The following PAH variants were observed in gnomAD, a reference collection of about 807,000 sequenced individuals.
PAH encodes the protein phenylalanine-4-hydroxylase.
PAH carries 64 observed loss-of-function variants against 62.0 expected under a neutral mutation model. The observed-to-expected ratio is 1.03, with a 90% CI of 0.84 to 1.27. PAH has a LOEUF of 1.27. Ranked by LOEUF, PAH falls within the 50% of genes most tolerant of loss-of-function variation. The probability of loss-of-function intolerance (pLI) is 0.00; values close to 1 mark genes in which losing one functional copy is unlikely to be tolerated. For synonymous variants in PAH, 195 were observed against 196.2 expected, an observed-to-expected ratio of 0.99 and a Z score of 0.05; for missense variants, 579 against 542.8, an observed-to-expected ratio of 1.07 and a Z score of -0.66.
At chr12:102,843,394 G>A (rs1376963043) in intron 11 of PAH, among the ~76,000 whole-genome samples, 1 of 152,190 alleles carries the variant, frequency 6.6e-6, no homozygotes, top group Non-Finnish European at 1.5e-5. Flanking sequence ...GTATGCAGGA[G>A]GGTTCAGTGT....
chr12:102,881,723 T>C (rs1876820260), intron 3 of PAH, among the ~76,000 whole-genome samples: 1 of 152,252 alleles, frequency 6.6e-6, no homozygotes, highest in Non-Finnish European at 1.5e-5. Context: ...TGTCTTTCTG[T>C]GTCTGGCTTA....
intron 4 of PAH, among the ~76,000 whole-genome samples, chr12:102,874,119 C>T (rs968254000): frequency 6.6e-6 from 1 of 152,106 alleles, no homozygotes; most frequent in African/African-American, 2.4e-5. Flanking sequence ...TTGGAAGAGA[C>T]AGGAGGAAGG....
intron 1 of PAH, among the ~76,000 whole-genome samples, chr12:102,949,539 T>C (rs556886666): frequency 6.6e-6 from 1 of 152,112 alleles, no homozygotes. Flanking sequence ...AGGTAGAAAG[T>C]TTCAGGATTT....
chr12:102,921,465 C>T (rs1438485878), upstream of PAH, among the ~76,000 whole-genome samples: 1 of 152,166 alleles, frequency 6.6e-6, no homozygotes, highest in Non-Finnish European at 1.5e-5. Flanking sequence ...CCCAATGTGT[C>T]ACTGTCAGTT....
chr12:102,852,700 G>C, intron 7 of PAH, 115 bp downstream of exon 7: 1 of 1,300,926 alleles, frequency 7.7e-7, no homozygotes, highest in Non-Finnish European at 1.1e-6. Context: ...CCAGCAAACA[G>C]TCTAGACAAC....
chr12:102,851,974 G>C, intron 7 of PAH: 1 of 547,316 alleles, frequency 1.8e-6, no homozygotes, highest in East Asian at 3.2e-5. Flanking sequence ...GACAGGTGCA[G>C]GGTAGGGCAC....
intron 3 of PAH, among the ~76,000 whole-genome samples, chr12:102,881,439 G>A (rs1310065550): frequency 6.6e-6 from 1 of 152,218 alleles, no homozygotes; most frequent in East Asian, 1.9e-4. Context: ...ATCATCTCAT[G>A]TAGTCATTTT....
At chr12:102,868,850 T>G (rs889083017) in intron 4 of PAH, among the ~76,000 whole-genome samples, 11 of 152,244 alleles carry the variant, frequency 7.2e-5, no homozygotes, top group African/African-American at 2.4e-4. Context: ...CATTCTCACT[T>G]GCCATTCTTA....
chr12:102,908,124 G>A (rs951627415), intron 2 of PAH, among the ~76,000 whole-genome samples: 1 of 151,706 alleles, frequency 6.6e-6, no homozygotes, highest in Admixed American at 6.6e-5. Context: ...ATCACTTACT[G>A]ACCTGTGCAG....
chr12:102,848,863 G>A (rs1199251147), intron 8 of PAH, among the ~76,000 whole-genome samples: 1 of 151,470 alleles, frequency 6.6e-6, no homozygotes, highest in East Asian at 1.9e-4. Context: ...GGGTTAAAGG[G>A]ACACCAGGAG....
chr12:102,887,404 C>T (rs1877086780), intron 3 of PAH, among the ~76,000 whole-genome samples: 1 of 152,004 alleles, frequency 6.6e-6, no homozygotes, highest in African/African-American at 2.4e-5. Context: ...CATACAATCC[C>T]ACACATGAAG....
At chr12:102,839,799 C>T (rs1368029125) in intron 12 of PAH, among the ~76,000 whole-genome samples, 1 of 152,200 alleles carries the variant, frequency 6.6e-6, no homozygotes, top group Non-Finnish European at 1.5e-5. Context: ...TATGTCTTCA[C>T]ATACCAGGTA....
At chr12:102,938,217 A>C (rs1879170537) in intron 1 of PAH, among the ~76,000 whole-genome samples, 1 of 152,180 alleles carries the variant, frequency 6.6e-6, no homozygotes, top group Non-Finnish European at 1.5e-5. Context: ...CCATGGGGAA[A>C]GGGTGCGTGA....
At chr12:102,904,859 T>A (rs1199972813) in intron 2 of PAH, 2 of 314,680 alleles carry the variant, frequency 6.4e-6, no homozygotes, top group East Asian at 1.4e-4. Context: ...CTACTTTTCT[T>A]CTGGCGAATG....
At chr12:102,909,750 G>C (rs1337279514) in intron 2 of PAH, among the ~76,000 whole-genome samples, 1 of 152,220 alleles carries the variant, frequency 6.6e-6, no homozygotes, top group Non-Finnish European at 1.5e-5. Context: ...CTTGAGTCCA[G>C]GAGTTCCAGA....
Position 102,912,644 on chromosome 12 carries a change from G to C in PAH, c.168+147C>G, listed in dbSNP as rs1452934091. 4.4e-6 allele frequency: 3 copies of C among 684,250 alleles called. No homozygotes were observed. In the African/African-American group the frequency reaches 5.3e-5, roughly 12 times the overall value. 42.4% of individuals were successfully genotyped at this position (684,250 alleles called of 1,614,324 possible). A position where few individuals can be genotyped will look rare whatever the true frequency, so the allele number is the denominator to read the frequency against. Reference sequence around the variant, plus strand: ...AGAGAGATTGAATGACTTAACTAAGGTCACACAGTTGGTTAATGTAAAAAC... The same window carrying C: ...AGAGAGATTGAATGACTTAACTAAGCTCACACAGTTGGTTAATGTAAAAAC... On this transcript the variant is annotated intron_variant, in intron 2 of 12. Transcript: ENST00000553106.
chr12:102,909,414 G>A (rs953553858), intron 2 of PAH, among the ~76,000 whole-genome samples: 6 of 151,992 alleles, frequency 3.9e-5, no homozygotes, highest in African/African-American at 1.4e-4. Flanking sequence ...TTACTATTAA[G>A]GAAAGGTTTG....
Position 102,838,832 on chromosome 12 carries a change from A to C in PAH, c.*343T>G. 3.1e-6 allele frequency: 1 copy of C among 319,308 alleles called. No homozygotes were observed. The highest frequency in any genetic ancestry group is 6.8e-5 in the East Asian group (1 of 14,742). 19.8% of individuals were successfully genotyped at this position (319,308 alleles called of 1,614,324 possible). A position where few individuals can be genotyped will look rare whatever the true frequency, so the allele number is the denominator to read the frequency against. On this transcript the variant is annotated 3_prime_UTR_variant, in exon 13 of 13. Transcript: ENST00000553106. ...ATTTAGCCTTATATGCTCCTTTATG[A>C]GTTCTCTGCAAAGCATATATGAAGC...
At chr12:102,956,879 C>G (rs1203031876) in intron 1 of PAH, among the ~76,000 whole-genome samples, 2 of 152,070 alleles carry the variant, frequency 1.3e-5, no homozygotes, top group Admixed American at 1.3e-4. Flanking sequence ...GGAGCACATC[C>G]TAGTTTTTAG....
Sources: gnomAD v4.1 joint callset for allele counts (sites outside exome capture counted in the v4.1 genomes callset) on GRCh38, gnomAD v4.1.1 for gene constraint, MANE v1.5 for transcripts, NCBI Gene and HGNC (gene_info 2026-07-23, HGNC 2026-07-21) for gene names.